DGKG: variants seen among roughly 807,000 people sequenced by gnomAD.
DGKG encodes the protein DAG kinase gamma.
DGKG carries 78 observed loss-of-function variants against 105.3 expected under a neutral mutation model. The ratio of observed to expected loss-of-function variants is 0.74; its 90% CI spans 0.62 to 0.89. The LOEUF is 0.89. Among genes scored for constraint, DGKG ranks in the 40% least tolerant of loss-of-function variants. DGKG has a pLI of 0.00. For missense variants in DGKG, 958 were observed against 1,020.1 expected (o/e 0.94, Z 0.83); for synonymous variants, 346 against 367.1 (o/e 0.94, Z 0.66).
At chr3:186,289,353 G>T (rs566322690) in intron 5 of DGKG, among the ~76,000 whole-genome samples, 3 of 152,106 alleles carry the variant, frequency 2.0e-5, no homozygotes, top group African/African-American at 7.2e-5. Context: ...AGAGAAAACC[G>T]GGATTGATAA....
intron 24 of DGKG, among the ~76,000 whole-genome samples, chr3:186,157,866 C>T (rs966928339): frequency 6.6e-6 from 1 of 152,074 alleles, no homozygotes; most frequent in African/African-American, 2.4e-5. Context: ...CCATGCCTGG[C>T]TAATTTTTGT....
chr3:186,165,096 C>T (rs200432225), intron 22 of DGKG, 78 bp from the exon 23 acceptor site: 6 of 1,495,072 alleles, frequency 4.0e-6, no homozygotes, highest in East Asian at 2.3e-5. Flanking sequence ...AAGTCTGGTC[C>T]CCAGATGGCC....
intron 10 of DGKG, among the ~76,000 whole-genome samples, chr3:186,273,494 C>T (rs1031469905): frequency 6.6e-6 from 1 of 150,404 alleles, no homozygotes; most frequent in Non-Finnish European, 1.5e-5. Context: ...CCTGCCTCAG[C>T]CTCCCGAGTA....
chr3:186,211,507 A>G (rs1382885875), intron 21 of DGKG, among the ~76,000 whole-genome samples: 2 of 152,162 alleles, frequency 1.3e-5, no homozygotes, highest in African/African-American at 4.8e-5. Flanking sequence ...TCTCTCAGAA[A>G]AGAGGGAATC....
intron 1 of DGKG, among the ~76,000 whole-genome samples, chr3:186,330,339 A>G (rs142262573): frequency 6.6e-4 from 100 of 152,356 alleles, no homozygotes; most frequent in African/African-American, 2.3e-3. Flanking sequence ...GCTTGAATTT[A>G]TCAATGAACT....
intron 3 of DGKG, 83 bp downstream of exon 3, chr3:186,306,818 C>T (rs1013810080): frequency 2.5e-5 from 22 of 896,878 alleles, no homozygotes; most frequent in Middle Eastern, 2.2e-4. Context: ...TCAAGGCAAG[C>T]GGAGTCTCCA....
At chr3:186,223,987 C>T (rs1258596406) in intron 20 of DGKG, among the ~76,000 whole-genome samples, 1 of 152,136 alleles carries the variant, frequency 6.6e-6, no homozygotes, top group Non-Finnish European at 1.5e-5. Context: ...TAGGTGTGGC[C>T]CCAGTGGTCC....
chr3:186,237,009 C>T (rs1720451503), intron 20 of DGKG, among the ~76,000 whole-genome samples: 1 of 152,172 alleles, frequency 6.6e-6, no homozygotes, highest in Non-Finnish European at 1.5e-5. Flanking sequence ...ATGCAAAACC[C>T]TTCATGGAGA....
chr3:186,185,085 C>G (rs1415785657), intron 22 of DGKG, among the ~76,000 whole-genome samples: 2 of 152,196 alleles, frequency 1.3e-5, no homozygotes, highest in East Asian at 3.8e-4. Context: ...AAGGACTTGC[C>G]TCAAGTCACA....
chr3:186,300,329 A>G (rs974314648), intron 3 of DGKG, among the ~76,000 whole-genome samples: 1 of 152,176 alleles, frequency 6.6e-6, no homozygotes, highest in Non-Finnish European at 1.5e-5. Flanking sequence ...CAAACAGACC[A>G]GATTAGCCTC....
chr3:186,191,756 GGTTGCATGCCCAGGCTCT>G (rs1717919220), intron 21 of DGKG, among the ~76,000 whole-genome samples: 1 of 152,202 alleles, frequency 6.6e-6, no homozygotes, highest in Non-Finnish European at 1.5e-5. Flanking sequence ...ATTCCTACCT[GGTTGCATGCCCAGGCTCT>G]GCCTTTGCGT....
At chr3:186,299,397 G>C (rs1723760283) in intron 3 of DGKG, among the ~76,000 whole-genome samples, 1 of 152,192 alleles carries the variant, frequency 6.6e-6, no homozygotes, top group Admixed American at 6.5e-5. Context: ...GGCCTTAAAA[G>C]CGAGTAATGG....
chr3:186,231,622 T>G lies in DGKG; in HGVS notation c.1826+10882A>C, dbSNP rs1462712550. On this transcript the variant is annotated intron_variant, in intron 20 of 24. Coordinates refer to ENST00000265022, the MANE Select transcript of DGKG (RefSeq NM_001346.3). The surrounding 1 kb of genome is among the most constrained non-coding windows in gnomAD (Gnocchi z 4.5). ...AAATGAGCTCATGGTTATTCATGCT[T>G]TAAAAACTATACTAGGCCAGGTGTG... is the stretch of plus-strand genomic sequence containing the variant. 6.6e-6 allele frequency among the ~76,000 whole-genome samples: 1 copy of G among 152,046 alleles called. No homozygotes were observed. Among genetic ancestry groups the G allele is most frequent in the African/African-American group, 2.4e-5 (1 of 41,396 alleles).
intron 1 of DGKG, among the ~76,000 whole-genome samples, chr3:186,359,551 G>A (rs62290692): frequency 6.6e-6 from 1 of 152,082 alleles, no homozygotes; most frequent in Non-Finnish European, 1.5e-5. Flanking sequence ...TGTAACTTGG[G>A]CAAGTCACCT....
chr3:186,359,899 T>A (rs1162945923), intron 1 of DGKG, among the ~76,000 whole-genome samples: 1 of 152,216 alleles, frequency 6.6e-6, no homozygotes, highest in African/African-American at 2.4e-5. Flanking sequence ...TACATTATAA[T>A]GATGTAATAC....
chr3:186,268,890 T>C lies in DGKG; in HGVS notation c.1027A>G (p.Asn343Asp), dbSNP rs1445216956. 5.6e-6 allele frequency: 9 copies of C among 1,613,892 alleles called. No individual in the cohort carries two copies. Among genetic ancestry groups the C allele is most frequent in the Non-Finnish European group, 7.6e-6 (9 of 1,179,970 alleles). Residue 343 changes from asparagine to aspartate, a missense_variant, in exon 12 of 25, where the codon AAC becomes GAC. Physicochemically the swap from Asn to Asp is conservative, Grantham distance 23 (BLOSUM62 1). This residue lies in a region of DGKG where 643 missense variants were observed against 619.5 expected (regional missense o/e 1.04). Coordinates refer to ENST00000265022, the MANE Select transcript of DGKG (RefSeq NM_001346.3). ...CACCGGTCACACTTGACGGAGGAGT[T>C]CCCTTCCACCCATGCGTGCTGCATC... ...EVMQHAWVEG[N>D]SSVKCDRCHK...
chr3:186,328,015 C>A, intron 1 of DGKG, among the ~76,000 whole-genome samples: 1 of 152,202 alleles, frequency 6.6e-6, no homozygotes, highest in Admixed American at 6.5e-5. Context: ...CCAGCCAAAT[C>A]TACCTTCTGT....
At chr3:186,227,179 C>T (rs1242768690) in intron 20 of DGKG, among the ~76,000 whole-genome samples, 1 of 152,212 alleles carries the variant, frequency 6.6e-6, no homozygotes, top group African/African-American at 2.4e-5. Flanking sequence ...ATCATGACAG[C>T]ATGCCTTTAA....
chr3:186,247,120 C>A (rs893418863), intron 19 of DGKG, among the ~76,000 whole-genome samples: 1 of 152,156 alleles, frequency 6.6e-6, no homozygotes, highest in Non-Finnish European at 1.5e-5. Context: ...TGTTTAAAAT[C>A]TCCTGCCAGT....
Sources: gnomAD v4.1 joint callset for allele counts (sites outside exome capture counted in the v4.1 genomes callset) on GRCh38, gnomAD v4.1.1 for gene constraint, gnomAD v4.1.1 regional missense constraint, Gnocchi (gnomAD v3.1) non-coding constraint, MANE v1.5 for transcripts, NCBI Gene and HGNC (gene_info 2026-07-23, HGNC 2026-07-21) for gene names.